Variants in TENM3 observed in about 807,000 individuals in gnomAD.
TENM3 encodes the protein teneurin transmembrane protein 3, also known as teneurin-3.
TENM3 carries 63 observed loss-of-function variants against 255.1 expected under a neutral mutation model. That is an observed-to-expected ratio of 0.25 (90% confidence interval 0.20 to 0.30). The LOEUF (loss-of-function observed/expected upper bound fraction) is 0.30, where lower values mean the gene tolerates loss of function less well. Ranked by LOEUF, TENM3 falls within the 10% of genes least tolerant of loss-of-function variation. TENM3 has a pLI of 1.00. For synonymous variants in TENM3, 1,306 were observed against 1,322.3 expected (o/e 0.99, Z 0.27); for missense variants, 2,929 against 3,461.1 (o/e 0.85, Z 3.86).
chr4:181,461,138 T>C, the TENM3 span, among the ~76,000 whole-genome samples: 154 of 152,142 alleles, frequency 1.0e-3, no homozygotes, highest in African/African-American at 3.6e-3. Context: ...ACTAGAAATA[T>C]AGAATTCTAG....
the TENM3 span, among the ~76,000 whole-genome samples, chr4:182,064,273 C>T: frequency 6.6e-6 from 1 of 151,932 alleles, no homozygotes; most frequent in African/African-American, 2.4e-5. Context: ...TGGATGACCC[C>T]TGAAAGCTAA....
chr4:182,406,988 C>G (rs892074382), intron 3 of TENM3, among the ~76,000 whole-genome samples: 1 of 152,170 alleles, frequency 6.6e-6, no homozygotes, highest in Non-Finnish European at 1.5e-5. Flanking sequence ...AACCTTACGT[C>G]CAGAATGCTG....
intron 3 of TENM3, among the ~76,000 whole-genome samples, chr4:182,352,374 T>A (rs1310847544): frequency 3.3e-5 from 5 of 152,288 alleles, no homozygotes; most frequent in African/African-American, 9.6e-5. Flanking sequence ...CTTCCCCTCC[T>A]GGCCAAAGAA....
chr4:182,436,489 G>A (rs997502697), intron 3 of TENM3, among the ~76,000 whole-genome samples: 3 of 152,154 alleles, frequency 2.0e-5, no homozygotes, highest in Non-Finnish European at 4.4e-5. Flanking sequence ...GCGCTCTAAC[G>A]TGTGTGACAC....
At chr4:181,473,605 C>CA in the TENM3 span, among the ~76,000 whole-genome samples, 3 of 150,502 alleles carry the variant, frequency 2.0e-5, no homozygotes, top group African/African-American at 7.3e-5. Context: ...AAACAACAAC[C>CA]AAAAAAATGA....
chr4:181,730,924 CA>C, the TENM3 span, among the ~76,000 whole-genome samples: 1 of 152,126 alleles, frequency 6.6e-6, no homozygotes. Context: ...TGTTCCTTAA[CA>C]ACAGTTTTCA....
intron 1 of TENM3, among the ~76,000 whole-genome samples, chr4:182,251,533 A>G (rs1214720574): frequency 6.6e-6 from 1 of 152,190 alleles, no homozygotes; most frequent in African/African-American, 2.4e-5. Flanking sequence ...TGTGGGAGAA[A>G]ATTAAATTAC....
chr4:181,808,822 G>A, the TENM3 span, among the ~76,000 whole-genome samples: 1 of 152,142 alleles, frequency 6.6e-6, no homozygotes, highest in Non-Finnish European at 1.5e-5. Flanking sequence ...ACACAAGGAG[G>A]TATACTTGCT....
rs527366696 is a variant in TENM3 at position 182,751,845 on chromosome 4, G to A, written c.3675G>A (p.Thr1225=). The change falls in exon 20 of 28, where the codon ACG becomes ACA. Residue 1225 remains threonine (T), a synonymous_variant. Transcript: ENST00000511685. ...ACTACCTTGCAACGGATCCAGTCAC[G>A]GGAGATCTGTACGTTTCTGACACAA... ...HRYYLATDPV[T]GDLYVSDTNT... is the part of the protein sequence containing the mutation. 8 of 1,613,802 alleles carry A rather than the reference G, an allele frequency of 5.0e-6. 1 individual carries two copies. Among genetic ancestry groups the A allele is most frequent in the East Asian group, 4.5e-5 (2 of 44,872 alleles).
intron 3 of TENM3, among the ~76,000 whole-genome samples, chr4:182,543,954 T>G (rs1488747922): frequency 1.3e-5 from 2 of 152,208 alleles, no homozygotes; most frequent in African/African-American, 4.8e-5. Context: ...CCTTTTATTT[T>G]TATATTTAAG....
In TENM3 at chr4:182,657,884, G is replaced by A. The variant is rs191032905; in HGVS notation, c.1111+3991G>A. Among the ~76,000 whole-genome samples, 990 of 152,276 alleles carry A rather than the reference G, an allele frequency of 6.5e-3. 15 individuals are homozygous for A. The highest frequency in any genetic ancestry group is 9.9e-3 in the Non-Finnish European group (673 of 68,020). ...GTTGCCCAGGCTGCCTTGAACTCCT[G>A]AGCTCAAGCAATCCTCCTGCCTCAG... On this transcript the variant is annotated intron_variant, in intron 6 of 27. Coordinates refer to ENST00000511685, the MANE Select transcript of TENM3 (RefSeq NM_001080477.4).
At chr4:181,697,159 A>G in the TENM3 span, among the ~76,000 whole-genome samples, 1 of 152,198 alleles carries the variant, frequency 6.6e-6, no homozygotes, top group Admixed American at 6.5e-5. Context: ...ACGAAATGCT[A>G]TTCAGGCCCA....
intron 3 of TENM3, among the ~76,000 whole-genome samples, chr4:182,501,812 T>G (rs1736350029): frequency 6.6e-6 from 1 of 152,196 alleles, no homozygotes; most frequent in Admixed American, 6.5e-5. Context: ...TGTATATTGT[T>G]AACTTTAAAG....
the TENM3 span, among the ~76,000 whole-genome samples, chr4:181,932,933 A>G: frequency 6.6e-6 from 1 of 152,128 alleles, no homozygotes; most frequent in African/African-American, 2.4e-5. Context: ...AAACCACAGC[A>G]TGTTTTCACT....
chr4:181,913,674 G>C, the TENM3 span, among the ~76,000 whole-genome samples: 1 of 152,120 alleles, frequency 6.6e-6, no homozygotes, highest in Non-Finnish European at 1.5e-5. Flanking sequence ...CTAGGAGGGG[G>C]TTGTTTACTG....
chr4:182,233,933 T>C (rs796644291), intron 1 of TENM3, among the ~76,000 whole-genome samples: 10 of 152,370 alleles, frequency 6.6e-5, no homozygotes, highest in African/African-American at 2.4e-4. Flanking sequence ...AGTCACTCTT[T>C]ACGCCTTTCG....
intron 3 of TENM3, among the ~76,000 whole-genome samples, chr4:182,428,015 C>A (rs1771357922): frequency 6.6e-6 from 1 of 150,382 alleles, no homozygotes; most frequent in Admixed American, 6.7e-5. Flanking sequence ...TTATTTAAAA[C>A]ATTTCTGCAA....
At chr4:182,133,115 C>T in the TENM3 span, among the ~76,000 whole-genome samples, 3 of 152,072 alleles carry the variant, frequency 2.0e-5, no homozygotes, top group Non-Finnish European at 4.4e-5. Flanking sequence ...TATGCTTTTC[C>T]CACTACTTAT....
At chr4:181,476,452 G>A in the TENM3 span, among the ~76,000 whole-genome samples, 4 of 152,010 alleles carry the variant, frequency 2.6e-5, no homozygotes, top group Non-Finnish European at 2.9e-5. Flanking sequence ...TTATTTATAG[G>A]GTGTGATAAA....
Sources: allele counts gnomAD v4.1 joint callset (sites outside exome capture counted in the v4.1 genomes callset), GRCh38; gene constraint gnomAD v4.1.1; transcripts MANE v1.5; gene names NCBI Gene and HGNC (gene_info 2026-07-23, HGNC 2026-07-21).